TFB1M: variants seen among roughly 807,000 people sequenced by gnomAD.
TFB1M encodes dimethyladenosine transferase 1, mitochondrial.
In TFB1M, 27 loss-of-function variants were observed where a neutral mutation model predicts 31.1. That is an observed-to-expected ratio of 0.87 (90% confidence interval 0.64 to 1.20). The LOEUF is 1.20. Among genes scored for constraint, TFB1M ranks in the 50% most tolerant of loss-of-function variants. TFB1M has a pLI of 0.00. For synonymous variants in TFB1M, 166 were observed against 151.8 expected (o/e 1.09, Z -0.69); for missense variants, 394 against 418.7 (o/e 0.94, Z 0.51).
the TFB1M span, chr6:155,240,682 T>C: frequency 1.2e-6 from 2 of 1,613,288 alleles, no homozygotes; most frequent in Non-Finnish European, 1.7e-6. Context: ...TCCAGGAGCT[T>C]GTGGACACAG....
Position 155,298,540 on chromosome 6 carries a change from C to T in TFB1M, c.331G>A (p.Asp111Asn), listed in dbSNP as rs1777285922. The change falls in exon 3 of 7, where the codon GAT becomes AAT. Residue 111 changes from aspartate to asparagine, a missense_variant. Asp to Asn is a conservative substitution (Grantham distance 23, BLOSUM62 1). Transcript: ENST00000367166. Reference protein sequence around the residue: ...APGKLRIVHGDVLTFKVEKAF... With the variant: ...APGKLRIVHGNVLTFKVEKAF... ...TTTTCTACCTTAAATGTCAAGACAT[C>T]TCCATGAACAATTCTCAGTTTCCCA... The T allele has an allele frequency of 6.2e-7, 1 of 1,613,610 alleles. No homozygotes were observed. Among genetic ancestry groups the T allele is most frequent in the Non-Finnish European group, 8.5e-7 (1 of 1,179,706 alleles).
At chr6:155,303,768 T>A (rs945776941) in intron 2 of TFB1M, among the ~76,000 whole-genome samples, 1 of 152,202 alleles carries the variant, frequency 6.6e-6, no homozygotes, top group Non-Finnish European at 1.5e-5. Context: ...AAATAGCAAC[T>A]ATTACTGGCT....
chr6:155,314,035 C>T (rs751634779), intron 1 of TFB1M: 1 of 1,303,710 alleles, frequency 7.7e-7, no homozygotes, highest in Admixed American at 3.0e-5. Context: ...AACCCTTCCT[C>T]CCCTAGGGAG....
At chr6:155,249,986 C>T in the TFB1M span, 99 of 1,593,056 alleles carry the variant, frequency 6.2e-5, no homozygotes, top group Non-Finnish European at 7.9e-5. Context: ...GAGACATCTG[C>T]ACCCTGGGAG....
the TFB1M span, chr6:155,250,701 C>CCTT: frequency 5.2e-6 from 7 of 1,344,250 alleles, no homozygotes; most frequent in East Asian, 1.7e-4. Context: ...GAGCAAAATG[C>CCTT]CTTCACCTTT....
chr6:155,231,357 C>G, the TFB1M span, among the ~76,000 whole-genome samples: 9 of 152,316 alleles, frequency 5.9e-5, no homozygotes, highest in African/African-American at 2.2e-4. Context: ...ATATGGGGCT[C>G]TTTGGAGCAG....
Position 155,257,901 on chromosome 6 carries a change from GTTC to G in TFB1M, c.973_975del (p.Glu325del), listed in dbSNP as rs753597118. The G allele has an allele frequency of 3.7e-6, 6 of 1,614,034 alleles. No individual in the cohort carries two copies. The highest frequency in any genetic ancestry group is 1.1e-5 in the South Asian group (1 of 91,082). ...TCATTTTTGCTTTTTCTTCGCTTGA[GTTC>G]TTCTCTGAAATTATATGCAAAGAGT... On this transcript the variant is annotated inframe_deletion, in exon 7 of 7. Coordinates refer to ENST00000367166, the MANE Select transcript of TFB1M (RefSeq NM_016020.4).
intron 2 of TFB1M, among the ~76,000 whole-genome samples, chr6:155,307,081 C>T (rs1012554145): frequency 1.3e-5 from 2 of 151,742 alleles, no homozygotes; most frequent in African/African-American, 4.8e-5. Flanking sequence ...TTGAGTTGTG[C>T]TTGTGTCACT....
chr6:155,279,690 C>T lies in TFB1M; in HGVS notation c.666+5468G>A, dbSNP rs558385949. ...CTGCAGAACACTATCACATTATTAT[C>T]ATTATCTCCAGTTACTTTTGTATTA... is the stretch of plus-strand genomic sequence containing the variant. On this transcript the variant is annotated intron_variant, in intron 5 of 6. Coordinates refer to ENST00000367166, the MANE Select transcript of TFB1M (RefSeq NM_016020.4). Among the ~76,000 whole-genome samples, 107 of 152,294 alleles carry T rather than the reference C, an allele frequency of 7.0e-4. 1 individual carries two copies. Among genetic ancestry groups the T allele is most frequent in the African/African-American group, 2.6e-3 (106 of 41,562 alleles).
At chr6:155,291,176 T>C (rs1006808660) in intron 4 of TFB1M, among the ~76,000 whole-genome samples, 2 of 152,204 alleles carry the variant, frequency 1.3e-5, no homozygotes, top group African/African-American at 2.4e-5. Context: ...CTTGTGGGAC[T>C]TGGCCCTTAA....
the TFB1M span, chr6:155,244,018 G>C: frequency 1.2e-6 from 2 of 1,614,042 alleles, no homozygotes; most frequent in South Asian, 1.1e-5. Context: ...CAGGATTTGA[G>C]CTGCCTCTTT....
chr6:155,230,645 G>GT, the TFB1M span, among the ~76,000 whole-genome samples: 1 of 151,976 alleles, frequency 6.6e-6, no homozygotes, highest in Non-Finnish European at 1.5e-5. Flanking sequence ...ATTAAAAATT[G>GT]TAAAAATTCA....
the TFB1M span, chr6:155,245,724 G>C: frequency 3.1e-6 from 5 of 1,595,726 alleles, no homozygotes; most frequent in Non-Finnish European, 4.3e-6. Flanking sequence ...AGAAGGTTCT[G>C]GAGCGAGGTA....
At chr6:155,240,256 T>C in the TFB1M span, among the ~76,000 whole-genome samples, 4 of 152,252 alleles carry the variant, frequency 2.6e-5, no homozygotes, top group Non-Finnish European at 5.9e-5. Flanking sequence ...GCAATGACTC[T>C]GTAATTTCAG....
At chr6:155,261,106 T>A (rs1237034105) in intron 5 of TFB1M, 1 of 153,018 alleles carries the variant, frequency 6.5e-6, no homozygotes, top group Non-Finnish European at 1.5e-5. Flanking sequence ...CCCTGATTTG[T>A]TCCAAAAATG....
At position 155,298,521 on chromosome 6, in the gene TFB1M, A is replaced by G; in HGVS notation, c.350T>C (p.Val117Ala). ...AAGACTTTCTGAAAAAGCCTTTTCTACCTTAAATGTCAAGACATCTCCATG... is the reference window on the plus strand; with the variant it reads ...AAGACTTTCTGAAAAAGCCTTTTCTGCCTTAAATGTCAAGACATCTCCATG... ...IVHGDVLTFK[V>A]EKAFSESLKR... Residue 117 changes from valine (V) to alanine (A), a missense_variant, in exon 3 of 7, where the codon GTA (valine) becomes GCA (alanine). Val to Ala is a moderately conservative substitution (Grantham distance 64, BLOSUM62 0). This residue lies in a region of TFB1M where 273 missense variants were observed against 256.4 expected (regional missense o/e 1.06). Transcript: ENST00000367166. 6.2e-7 allele frequency: 1 copy of G among 1,613,412 alleles called. No individual in the cohort carries two copies.
At chr6:155,265,765 T>G (rs947748263) in intron 5 of TFB1M, among the ~76,000 whole-genome samples, 1 of 146,342 alleles carries the variant, frequency 6.8e-6, no homozygotes, top group Non-Finnish European at 1.5e-5. Flanking sequence ...ATATATTTAA[T>G]ATATAATATG....
intron 5 of TFB1M, among the ~76,000 whole-genome samples, chr6:155,282,242 T>A (rs1280671253): frequency 6.6e-6 from 1 of 152,160 alleles, no homozygotes; most frequent in Non-Finnish European, 1.5e-5. Context: ...TGGGTTCAAA[T>A]TTTGGGAACT....
At position 155,311,265 on chromosome 6, in the gene TFB1M, T is replaced by A; in HGVS notation, c.208A>T (p.Thr70Ser). The A allele has an allele frequency of 6.2e-7, 1 of 1,614,106 alleles. No individual in the cohort carries two copies. The highest frequency in any genetic ancestry group is 8.5e-7 in the Non-Finnish European group (1 of 1,179,946). The change falls in exon 2 of 7, where the codon ACA becomes TCA. Residue 70 changes from threonine (T) to serine (S), a missense_variant. By Grantham distance (58) the Thr-to-Ser change is moderately conservative. Transcript: ENST00000367166. ...YEVGPGPGGI[T>S]RSILNADVAE... is the part of the protein sequence containing the mutation. ...ACGTCGGCATTAAGAATAGATCTTG[T>A]GATTCCCCCTGGCCCAGGGCCCACT...
Sources: allele counts gnomAD v4.1 joint callset (sites outside exome capture counted in the v4.1 genomes callset), GRCh38; gene constraint gnomAD v4.1.1; regional missense constraint gnomAD v4.1.1; transcripts MANE v1.5; gene names NCBI Gene and HGNC (gene_info 2026-07-23, HGNC 2026-07-21).